The following KSR2 variants were observed in gnomAD, a reference collection of about 807,000 sequenced individuals.
KSR2 encodes the protein kinase suppressor of ras 2.
In KSR2, 25 loss-of-function variants were observed where a neutral mutation model predicts 107.8. The observed-to-expected ratio is 0.23, with a 90% CI of 0.17 to 0.32. The LOEUF (loss-of-function observed/expected upper bound fraction) is 0.32. Ranked by LOEUF, KSR2 falls within the 10% of genes least tolerant of loss-of-function variation. The pLI is 1.00. For missense variants in KSR2, 887 were observed against 1,268.9 expected (o/e 0.70, Z 4.57); for synonymous variants, 480 against 507.0 (o/e 0.95, Z 0.71).
intron 13 of KSR2, among the ~76,000 whole-genome samples, chr12:117,525,455 G>A (rs1875068520): frequency 6.6e-6 from 1 of 152,082 alleles, no homozygotes; most frequent in African/African-American, 2.4e-5. Context: ...GTGCTAAATG[G>A]GGGGATACTG....
intron 4 of KSR2, among the ~76,000 whole-genome samples, chr12:117,713,978 C>A (rs1318422288): frequency 6.6e-6 from 1 of 151,898 alleles, no homozygotes; most frequent in Admixed American, 6.6e-5. Flanking sequence ...ATTATTCCCC[C>A]AAATTATATT....
chr12:117,833,394 G>A (rs888631793), intron 3 of KSR2, among the ~76,000 whole-genome samples: 1 of 152,088 alleles, frequency 6.6e-6, no homozygotes, highest in African/African-American at 2.4e-5. Flanking sequence ...ACAGGGTCCT[G>A]CTCCGCCACC....
chr12:117,705,699 G>C (rs1029623343), intron 4 of KSR2, among the ~76,000 whole-genome samples: 2 of 152,220 alleles, frequency 1.3e-5, no homozygotes, highest in African/African-American at 4.8e-5. Context: ...GTTCCTGATA[G>C]ATTGGGCCAT....
chr12:117,564,246 A>G (rs972179732), intron 7 of KSR2, among the ~76,000 whole-genome samples: 1 of 152,182 alleles, frequency 6.6e-6, no homozygotes, highest in Non-Finnish European at 1.5e-5. Context: ...GGTGGGTCTG[A>G]AGGATTCCCA....
At chr12:117,568,451 C>T (rs926607347) in intron 7 of KSR2, among the ~76,000 whole-genome samples, 1 of 152,166 alleles carries the variant, frequency 6.6e-6, no homozygotes, top group Non-Finnish European at 1.5e-5. Context: ...TGCCGGCCTG[C>T]TGTGTAGCCA....
At position 117,504,883 on chromosome 12, in the gene KSR2, T is replaced by A. The variant is rs138468953; in HGVS notation, c.2220-19192A>T. Among the ~76,000 whole-genome samples the A allele has an allele frequency of 3.3e-3, 502 of 152,326 alleles. 4 individuals carry two copies. The highest frequency in any genetic ancestry group is 0.011 in the African/African-American group (478 of 41,584). Reference sequence around the variant, plus strand: ...TGAATAGTGTATGTTGTACCCAATATGTAGTTTTTAATCCCACACTCCCTT... The same window carrying A: ...TGAATAGTGTATGTTGTACCCAATAAGTAGTTTTTAATCCCACACTCCCTT... On this transcript the variant is annotated intron_variant, in intron 14 of 19. Coordinates refer to ENST00000339824, the MANE Select transcript of KSR2 (RefSeq NM_173598.6).
At chr12:117,950,749 A>AAAAAATAATAATAATAAT (rs1555260902) in intron 1 of KSR2, among the ~76,000 whole-genome samples, 2 of 132,148 alleles carry the variant, frequency 1.5e-5, no homozygotes, top group South Asian at 5.0e-4. Context: ...AAAAAAAAAA[A>AAAAAATAATAATAATAAT]AATAATAATA....
chr12:117,944,534 GAAATGTTATCTCAGT>G (rs931122318), intron 1 of KSR2, among the ~76,000 whole-genome samples: 4 of 151,826 alleles, frequency 2.6e-5, no homozygotes, highest in African/African-American at 4.8e-5. Context: ...AATTTTATGT[GAAATGTTATCTCAGT>G]TTGTAAAATC....
chr12:117,480,509 G>A (rs866413081), intron 16 of KSR2, among the ~76,000 whole-genome samples: 1 of 152,148 alleles, frequency 6.6e-6, no homozygotes, highest in South Asian at 2.1e-4. Flanking sequence ...TTTTCTTGAC[G>A]ACGGCAGAAC....
At chr12:117,794,504 A>ACAC (rs1182395469) in intron 3 of KSR2, among the ~76,000 whole-genome samples, 8 of 117,040 alleles carry the variant, frequency 6.8e-5, no homozygotes, top group African/African-American at 2.4e-4. Context: ...ACATGCACAC[A>ACAC]CAACATGCAC....
intron 3 of KSR2, among the ~76,000 whole-genome samples, chr12:117,765,736 C>A (rs937619379): frequency 2.6e-5 from 4 of 152,076 alleles, no homozygotes; most frequent in Admixed American, 2.6e-4. Flanking sequence ...GGCACAGAGA[C>A]AAAACAAGTG....
chr12:117,713,179 G>A (rs1021430618), intron 4 of KSR2, among the ~76,000 whole-genome samples: 1 of 150,966 alleles, frequency 6.6e-6, no homozygotes, highest in African/African-American at 2.4e-5. Context: ...TATCTGGATG[G>A]ATAGTTATAG....
chr12:117,639,262 T>C (rs1168708528), intron 5 of KSR2, among the ~76,000 whole-genome samples: 1 of 151,922 alleles, frequency 6.6e-6, no homozygotes, highest in African/African-American at 2.4e-5. Flanking sequence ...TATAAACATA[T>C]ACATATAAGC....
intron 1 of KSR2, among the ~76,000 whole-genome samples, chr12:117,898,652 C>T (rs922092555): frequency 6.6e-6 from 1 of 151,612 alleles, no homozygotes; most frequent in Admixed American, 6.6e-5. Context: ...TTTGTGGGTA[C>T]ATAGATGTAT....
chr12:117,563,740 C>G (rs1315230302), intron 7 of KSR2, among the ~76,000 whole-genome samples: 2 of 152,118 alleles, frequency 1.3e-5, no homozygotes, highest in African/African-American at 4.8e-5. Flanking sequence ...AGACCTCAAC[C>G]AACTATAGGT....
intron 3 of KSR2, among the ~76,000 whole-genome samples, chr12:117,826,018 CATGGAGGGATGGATGGATGG>C: frequency 8.3e-6 from 1 of 120,284 alleles, no homozygotes. Context: ...TGGATGGATG[CATGGAGGGATGGATGGATGG>C]ATGGATGAAT....
rs1322386171 is a variant in KSR2, at chr12:117,642,288, C to A, written c.1171+25186G>T. 5.3e-5 allele frequency among the ~76,000 whole-genome samples: 8 copies of A among 152,328 alleles called. No individual in the cohort carries two copies. In the East Asian group the frequency reaches 1.5e-3, roughly 29 times the overall value. ...ATCTTGGACATCAATTCATCCGTTTCCTCGTTGCCCATCACAGCGGGTGAG... is the reference window on the plus strand; with the variant it reads ...ATCTTGGACATCAATTCATCCGTTTACTCGTTGCCCATCACAGCGGGTGAG... On this transcript the variant is annotated intron_variant, in intron 5 of 19. Coordinates refer to ENST00000339824, the MANE Select transcript of KSR2 (RefSeq NM_173598.6).
chr12:117,927,885 C>T (rs1484160503), intron 1 of KSR2, among the ~76,000 whole-genome samples: 1 of 152,070 alleles, frequency 6.6e-6, no homozygotes, highest in Non-Finnish European at 1.5e-5. Flanking sequence ...AGCGGAGTGG[C>T]CTCAAGCACA....
intron 5 of KSR2, among the ~76,000 whole-genome samples, chr12:117,619,682 TA>T (rs1208335411): frequency 6.6e-6 from 1 of 151,232 alleles, no homozygotes; most frequent in Non-Finnish European, 1.5e-5. Flanking sequence ...TTTTCAATGT[TA>T]AAAATACTAA....
Sources: gnomAD v4.1 joint callset for allele counts (sites outside exome capture counted in the v4.1 genomes callset) on GRCh38, gnomAD v4.1.1 for gene constraint, MANE v1.5 for transcripts, NCBI Gene and HGNC (gene_info 2026-07-23, HGNC 2026-07-21) for gene names.